The following DPF3 variants were observed in gnomAD, a reference collection of about 807,000 sequenced individuals.
The protein encoded by DPF3 is double PHD fingers 3.
Under a neutral mutation model 56.8 loss-of-function variants are expected in DPF3, and 18 were observed. The ratio of observed to expected loss-of-function variants is 0.32; its 90% CI spans 0.22 to 0.47. The LOEUF (loss-of-function observed/expected upper bound fraction) is 0.47. DPF3 is among the 20% of genes least tolerant of loss of function. The pLI, the probability that DPF3 is intolerant of heterozygous loss-of-function variation, is 1.00. For synonymous variants in DPF3, 188 were observed against 180.2 expected, an observed-to-expected ratio of 1.04 and a Z score of -0.35; for missense variants, 403 against 488.8, an observed-to-expected ratio of 0.82 and a Z score of 1.65.
chr14:72,731,516 G>T, intron 4 of DPF3: 1 of 330,988 alleles, frequency 3.0e-6, no homozygotes, highest in Admixed American at 4.3e-5. Context: ...TCCACTCTGT[G>T]TCCCTGGGAC....
At chr14:72,845,148 T>A (rs112033624) in intron 1 of DPF3, among the ~76,000 whole-genome samples, 2,298 of 151,888 alleles carry the variant, frequency 0.015, 53 homozygotes, top group African/African-American at 0.054. Context: ...TTAAATCAGC[T>A]CCCACTCCAC....
At chr14:72,737,441 A>G (rs974516820) in intron 3 of DPF3, among the ~76,000 whole-genome samples, 1 of 152,164 alleles carries the variant, frequency 6.6e-6, no homozygotes, top group Non-Finnish European at 1.5e-5. Flanking sequence ...AAAGTGCAAC[A>G]TGGGAGCACA....
At chr14:72,652,138 C>T (rs975417026) in intron 8 of DPF3, among the ~76,000 whole-genome samples, 8 of 152,184 alleles carry the variant, frequency 5.3e-5, no homozygotes, top group Non-Finnish European at 1.2e-4. Context: ...CCTGGGGTAA[C>T]GTGGAATTGA....
At chr14:72,702,207 C>T (rs1190435178) in intron 6 of DPF3, among the ~76,000 whole-genome samples, 2 of 144,512 alleles carry the variant, frequency 1.4e-5, no homozygotes, top group Non-Finnish European at 3.0e-5. Context: ...GGCTGACTGG[C>T]GTGGCCTGCT....
In DPF3 at chr14:72,671,696, C is replaced by G. The variant is rs567597306; in HGVS notation, c.871+2544G>C. Among the ~76,000 whole-genome samples, 30 of 152,306 alleles carry G rather than the reference C, an allele frequency of 2.0e-4. No homozygotes were observed. The South Asian group carries it at 6.0e-3, about 30-fold the overall frequency. Reference sequence around the variant, plus strand: ...ATGATTTTCATTGGTGGTTTTTAAGCCTGGTTGGGATTTCTTTGGTGTTTT... The same window carrying G: ...ATGATTTTCATTGGTGGTTTTTAAGGCTGGTTGGGATTTCTTTGGTGTTTT... On this transcript the variant is annotated intron_variant, in intron 8 of 10. Coordinates refer to ENST00000556509, the MANE Select transcript of DPF3 (RefSeq NM_001280542.3).
chr14:72,670,236 G>A (rs536150065), intron 8 of DPF3: 5 of 985,886 alleles, frequency 5.1e-6, no homozygotes, highest in South Asian at 4.7e-5. Flanking sequence ...CCTCGGCCTC[G>A]GGTGGTGGAG....
chr14:72,691,715 G>T (rs1887693448), intron 7 of DPF3, among the ~76,000 whole-genome samples: 1 of 150,964 alleles, frequency 6.6e-6, no homozygotes, highest in Non-Finnish European at 1.5e-5. Flanking sequence ...GACAGAGAAA[G>T]ACTCCGTCTC....
intron 1 of DPF3, among the ~76,000 whole-genome samples, chr14:72,827,827 C>G (rs1239781670): frequency 1.3e-5 from 2 of 151,988 alleles, no homozygotes; most frequent in African/African-American, 4.8e-5. Context: ...TAGTTTATGC[C>G]TGTACTCCGA....
At chr14:72,884,668 T>C (rs1288882850) in intron 1 of DPF3, among the ~76,000 whole-genome samples, 1 of 151,644 alleles carries the variant, frequency 6.6e-6, no homozygotes, top group African/African-American at 2.4e-5. Context: ...CCACCTCCTG[T>C]TGTCAGACAT....
At chr14:72,777,703 G>A (rs903318421) in intron 1 of DPF3, among the ~76,000 whole-genome samples, 2 of 152,074 alleles carry the variant, frequency 1.3e-5, no homozygotes, top group Admixed American at 6.5e-5. Context: ...GCAAGATCTG[G>A]TCATTTAAAA....
chr14:72,732,253 C>T (rs77341895), intron 3 of DPF3, among the ~76,000 whole-genome samples: 8,900 of 152,318 alleles, frequency 0.058, 339 homozygotes, highest in Non-Finnish European at 0.083. Context: ...GCGTCAGGAG[C>T]GTGGAGCCCT....
chr14:72,810,151 T>C (rs138907335), intron 1 of DPF3, among the ~76,000 whole-genome samples: 8 of 152,288 alleles, frequency 5.3e-5, no homozygotes, highest in African/African-American at 1.9e-4. Flanking sequence ...ATAAGGGCAA[T>C]GAAGCCTCAG....
intron 1 of DPF3, among the ~76,000 whole-genome samples, chr14:72,849,190 C>A (rs4903072): frequency 0.58 from 88,147 of 152,030 alleles, 26,336 homozygotes; most frequent in East Asian, 0.86. Flanking sequence ...CAATATTCCC[C>A]ACTATGGTTA....
intron 5 of DPF3, among the ~76,000 whole-genome samples, chr14:72,716,063 G>T (rs1437355760): frequency 6.6e-6 from 1 of 151,798 alleles, no homozygotes; most frequent in Non-Finnish European, 1.5e-5. Flanking sequence ...CTGCAGCCCT[G>T]TCACAGCCGC....
At chr14:72,892,239 A>T in intron 1 of DPF3, 1 of 1,535,504 alleles carries the variant, frequency 6.5e-7, no homozygotes, top group Non-Finnish European at 8.7e-7. Flanking sequence ...GGAAACTGAA[A>T]ATCAGTTGTG....
At chr14:72,672,364 C>G (rs936481806) in intron 8 of DPF3, among the ~76,000 whole-genome samples, 1 of 152,138 alleles carries the variant, frequency 6.6e-6, no homozygotes, top group African/African-American at 2.4e-5. Flanking sequence ...GGGAAGGAAG[C>G]TCTTCCAAGC....
chr14:72,754,167 G>A (rs999745524), intron 2 of DPF3, among the ~76,000 whole-genome samples: 13 of 152,158 alleles, frequency 8.5e-5, no homozygotes, highest in African/African-American at 1.9e-4. Context: ...TGGCAGCCAC[G>A]GGCCTTAGAG....
chr14:72,676,152 T>G (rs890759263), intron 7 of DPF3, among the ~76,000 whole-genome samples: 1 of 152,122 alleles, frequency 6.6e-6, no homozygotes, highest in Non-Finnish European at 1.5e-5. Flanking sequence ...AAAGAAGAGA[T>G]AGGGTATACT....
At position 72,614,196 on chromosome 14, in the gene DPF3, GC is replaced by G. The variant is rs1213543910; in HGVS notation, c.*5100del. 6.6e-6 allele frequency among the ~76,000 whole-genome samples: 1 copy of G among 152,188 alleles called. No individual in the cohort carries two copies. Among genetic ancestry groups the G allele is most frequent in the Non-Finnish European group, 1.5e-5 (1 of 68,032 alleles). On this transcript the variant is annotated 3_prime_UTR_variant, in exon 11 of 11. Coordinates refer to ENST00000556509, the MANE Select transcript of DPF3 (RefSeq NM_001280542.3). ...GGAATGCTCAGAAATGGGGGAGGGA[GC>G]CCCAACCCCCAGACAGCTATGGAGC...
Sources: allele counts gnomAD v4.1 joint callset (sites outside exome capture counted in the v4.1 genomes callset), GRCh38; gene constraint gnomAD v4.1.1; transcripts MANE v1.5; gene names NCBI Gene and HGNC (gene_info 2026-07-23, HGNC 2026-07-21).